The following GATA4 variants were observed in gnomAD, a reference collection of about 807,000 sequenced individuals.
GATA4 encodes the protein GATA binding protein 4, also known as transcription factor GATA-4.
GATA4 carries 7 observed loss-of-function variants against 37.9 expected under a neutral mutation model. The observed-to-expected ratio is 0.18, with a 90% CI of 0.11 to 0.35. The LOEUF is 0.35. GATA4 is among the 10% of genes least tolerant of loss of function. The pLI, the probability that GATA4 is intolerant of heterozygous loss-of-function variation, is 1.00. For missense variants in GATA4, 647 were observed against 653.0 expected, an observed-to-expected ratio of 0.99 and a Z score of 0.10; for synonymous variants, 372 against 292.6, an observed-to-expected ratio of 1.27 and a Z score of -2.77.
At chr8:11,703,892 G>C (rs560860578), upstream of GATA4, among the ~76,000 whole-genome samples, 731 of 152,334 alleles carry the variant, frequency 4.8e-3, 11 homozygotes, top group African/African-American at 0.016. Context: ...CCACAGGAAG[G>C]GGGGGCGGGG....
At chr8:11,758,247 T>G (rs1802701735) in intron 6 of GATA4, 46 bp from the exon 7 acceptor site, 4 of 1,608,120 alleles carry the variant, frequency 2.5e-6, no homozygotes, top group Admixed American at 1.7e-5. Flanking sequence ...TCCCAAGCCC[T>G]CAGGAGCGTC....
intron 2 of GATA4, among the ~76,000 whole-genome samples, chr8:11,746,217 G>A (rs1315616374): frequency 1.3e-5 from 2 of 150,560 alleles, no homozygotes; most frequent in African/African-American, 4.9e-5. Context: ...GACAGAGTGA[G>A]ACTCTGTCTC....
intron 1 of GATA4, chr8:11,680,721 G>C (rs978223907): frequency 8.7e-5 from 86 of 985,214 alleles, no homozygotes; most frequent in Non-Finnish European, 1.0e-4. Flanking sequence ...CGCTGCGCAC[G>C]GATACCCTGG....
chr8:11,722,582 T>C (rs1800726006), intron 2 of GATA4, among the ~76,000 whole-genome samples: 1 of 152,226 alleles, frequency 6.6e-6, no homozygotes, highest in Non-Finnish European at 1.5e-5. Context: ...TCATCTCCTT[T>C]TCTTCTCCTT....
chr8:11,716,503 A>G (rs982892969), intron 2 of GATA4, among the ~76,000 whole-genome samples: 2 of 152,154 alleles, frequency 1.3e-5, no homozygotes, highest in African/African-American at 4.8e-5. Flanking sequence ...GCAATCCTGT[A>G]TTTGGCTTTT....
At position 11,708,338 on chromosome 8, in the gene GATA4, C is replaced by A. The variant is rs1434211242; in HGVS notation, c.26C>A (p.Ala9Asp). Residue 9 changes from alanine (A) to aspartate (D), a missense_variant, in exon 2 of 7, where the codon GCC (alanine) becomes GAC (aspartate). Physicochemically the swap from Ala to Asp is moderately radical, Grantham distance 126 (BLOSUM62 -2). Around this residue, in one of 5 missense-constraint regions of GATA4, gnomAD observed 379 missense variants for 334.5 expected, o/e 1.13. Transcript: ENST00000532059. This position sits in a 1 kb window ranked among gnomAD's most constrained non-coding sequence, Gnocchi z 6.7. ...ATGTATCAGAGCTTGGCCATGGCCG[C>A]CAACCACGGGCCGCCCCCCGGTGCC... The part of the protein sequence containing the change: MYQSLAMA[A>D]NHGPPPGAYE... The A allele has an allele frequency of 1.3e-6, 2 of 1,584,420 alleles. No homozygotes were observed. Among genetic ancestry groups the A allele is most frequent in the African/African-American group, 1.3e-5 (1 of 74,696 alleles).
intron 2 of GATA4, among the ~76,000 whole-genome samples, chr8:11,728,648 A>C (rs1190270280): frequency 1.3e-5 from 2 of 152,094 alleles, no homozygotes; most frequent in East Asian, 3.9e-4. Flanking sequence ...TCTTGGGCTC[A>C]AGCAATCCTC....
At chr8:11,693,552 CACACACACACAGAGAGAG>C (rs1438011541) in intron 1 of GATA4, among the ~76,000 whole-genome samples, 15 of 118,300 alleles carry the variant, frequency 1.3e-4, no homozygotes, top group African/African-American at 2.3e-4. Flanking sequence ...CACACACACA[CACACACACACAGAGAGAG>C]AGAGAGAGAG....
At chr8:11,693,542 CACACACACACACACACACACAGAG>C (rs1721243511) in intron 1 of GATA4, among the ~76,000 whole-genome samples, 3 of 111,870 alleles carry the variant, frequency 2.7e-5, no homozygotes, top group African/African-American at 6.8e-5. Context: ...CACACACACA[CACACACACACACACACACACAGAG>C]AGAGAGAGAG....
chr8:11,744,425 C>A (rs748726995), intron 2 of GATA4, among the ~76,000 whole-genome samples: 12 of 152,188 alleles, frequency 7.9e-5, no homozygotes, highest in Non-Finnish European at 1.3e-4. Flanking sequence ...CCCGGGATGC[C>A]AGCACTGGGT....
chr8:11,692,550 G>C, upstream of GATA4: 1 of 985,446 alleles, frequency 1.0e-6, no homozygotes, highest in Non-Finnish European at 1.2e-6. Flanking sequence ...GATTGAATCT[G>C]ATCCTTCGGG....
intron 1 of GATA4, chr8:11,680,730 G>C (rs1042872272): frequency 2.0e-6 from 2 of 985,204 alleles, no homozygotes; most frequent in Non-Finnish European, 2.4e-6. Context: ...CGGATACCCT[G>C]GGCGGCGAGG....
At chr8:11,721,196 G>A (rs902487298) in intron 2 of GATA4, among the ~76,000 whole-genome samples, 2 of 151,226 alleles carry the variant, frequency 1.3e-5, no homozygotes, top group Non-Finnish European at 2.9e-5. Context: ...TGGCCTGGGC[G>A]CCTGAAGTCA....
At chr8:11,724,287 A>G (rs1800812613) in intron 2 of GATA4, among the ~76,000 whole-genome samples, 1 of 152,142 alleles carries the variant, frequency 6.6e-6, no homozygotes, top group Non-Finnish European at 1.5e-5. Context: ...GGGTGAACAA[A>G]TATCTATTCA....
intron 2 of GATA4, among the ~76,000 whole-genome samples, chr8:11,719,555 A>C (rs1450057094): frequency 6.6e-6 from 1 of 152,144 alleles, no homozygotes; most frequent in African/African-American, 2.4e-5. Flanking sequence ...TTTATTATAG[A>C]AAAATGGAAA....
At chr8:11,720,910 TGGA>T (rs1800643651) in intron 2 of GATA4, among the ~76,000 whole-genome samples, 1 of 152,108 alleles carries the variant, frequency 6.6e-6, no homozygotes, top group Non-Finnish European at 1.5e-5. Flanking sequence ...TAGGCAGTGG[TGGA>T]GATTTCATAG....
At chr8:11,729,301 G>A (rs1236840431) in intron 2 of GATA4, among the ~76,000 whole-genome samples, 1 of 152,134 alleles carries the variant, frequency 6.6e-6, no homozygotes, top group Non-Finnish European at 1.5e-5. Flanking sequence ...TGGGCGCGGT[G>A]GCTCATGCCT....
intron 1 of GATA4, among the ~76,000 whole-genome samples, chr8:11,679,093 G>C (rs948679763): frequency 2.7e-5 from 4 of 149,018 alleles, no homozygotes; most frequent in Non-Finnish European, 6.0e-5. Context: ...GAGAGGAGAG[G>C]TTTTAGGGTT....
At chr8:11,682,173 T>C (rs1225535396) in intron 1 of GATA4, among the ~76,000 whole-genome samples, 2 of 152,234 alleles carry the variant, frequency 1.3e-5, no homozygotes, top group African/African-American at 2.4e-5. Context: ...CTGACAAGAT[T>C]GATTCACTCA....
Sources: allele counts gnomAD v4.1 joint callset (sites outside exome capture counted in the v4.1 genomes callset), GRCh38; gene constraint gnomAD v4.1.1; regional missense constraint gnomAD v4.1.1; non-coding constraint Gnocchi (gnomAD v3.1); transcripts MANE v1.5; gene names NCBI Gene and HGNC (gene_info 2026-07-23, HGNC 2026-07-21).